Variants in MAML2 observed in about 807,000 individuals in gnomAD.
The protein encoded by MAML2 is mastermind like transcriptional coactivator 2, also known as mastermind-like protein 2.
In MAML2, 22 loss-of-function variants were observed where a neutral mutation model predicts 96.1. The observed-to-expected ratio is 0.23, with a 90% CI of 0.16 to 0.33. The LOEUF (loss-of-function observed/expected upper bound fraction) is 0.33. Among genes scored for constraint, MAML2 ranks in the 10% least tolerant of loss-of-function variants. The pLI is 1.00. For missense variants in MAML2, 1,367 were observed against 1,392.4 expected (o/e 0.98, Z 0.29); for synonymous variants, 561 against 521.3 (o/e 1.08, Z -1.04).
intron 1 of MAML2, among the ~76,000 whole-genome samples, chr11:96,150,095 A>G (rs576909255): frequency 6.6e-6 from 1 of 152,336 alleles, no homozygotes; most frequent in South Asian, 2.1e-4. Flanking sequence ...TAAATTCAAT[A>G]TCTAAATAAT....
chr11:96,067,617 C>G (rs540412528), intron 2 of MAML2, among the ~76,000 whole-genome samples: 2 of 152,058 alleles, frequency 1.3e-5, no homozygotes, highest in South Asian at 2.1e-4. Flanking sequence ...TCTTTTAAAC[C>G]TGTCATTGGT....
chr11:96,042,050 C>T (rs193012350), intron 2 of MAML2, among the ~76,000 whole-genome samples: 25,540 of 150,182 alleles, frequency 0.17, 2,642 homozygotes, highest in East Asian at 0.31. Context: ...GATCTTGGCT[C>T]ACTGCAAGCT....
chr11:96,275,800 G>A lies in MAML2; in HGVS notation c.513+65583C>T, dbSNP rs138201569. The stretch of plus-strand genomic sequence containing the variant: ...AATAAAAATAAAGACTCTTCAGCTG[G>A]TCTCTATGTCTGTTTTAACTTACCT... On this transcript the variant is annotated intron_variant, in intron 1 of 4. Coordinates refer to ENST00000524717, the MANE Select transcript of MAML2 (RefSeq NM_032427.4). Among the ~76,000 whole-genome samples, 496 of 152,142 alleles carry A rather than the reference G, an allele frequency of 3.3e-3. 2 individuals carry two copies. Among genetic ancestry groups the A allele is most frequent in the African/African-American group, 0.012 (478 of 41,508 alleles).
At chr11:96,336,116 T>A (rs1266083507) in intron 1 of MAML2, among the ~76,000 whole-genome samples, 1 of 152,134 alleles carries the variant, frequency 6.6e-6, no homozygotes, top group Non-Finnish European at 1.5e-5. Context: ...ATAACAAAAT[T>A]ATTTTCTCAT....
At chr11:96,048,891 A>T (rs887444187) in intron 2 of MAML2, among the ~76,000 whole-genome samples, 1 of 152,228 alleles carries the variant, frequency 6.6e-6, no homozygotes, top group East Asian at 1.9e-4. Context: ...TCTATGAATT[A>T]ATCAGAACAA....
intron 1 of MAML2, among the ~76,000 whole-genome samples, chr11:96,120,225 G>C (rs968543213): frequency 6.6e-6 from 1 of 152,112 alleles, no homozygotes; most frequent in South Asian, 2.1e-4. Context: ...CCAAAGTGCT[G>C]GGTTTACAGG....
At chr11:96,285,603 A>G (rs959748985) in intron 1 of MAML2, among the ~76,000 whole-genome samples, 11 of 152,184 alleles carry the variant, frequency 7.2e-5, no homozygotes, top group African/African-American at 2.7e-4. Context: ...TCCAGAGTCT[A>G]CAAGGAACTT....
chr11:96,239,346 CT>C (rs1371117559), intron 1 of MAML2, among the ~76,000 whole-genome samples: 6 of 152,154 alleles, frequency 3.9e-5, no homozygotes, highest in African/African-American at 1.4e-4. Context: ...CTGTTGACCC[CT>C]ATTGGAGGCT....
rs566278987 is a variant in MAML2 at position 96,219,652 on chromosome 11, G to T, written c.513+121731C>A. On this transcript the variant is annotated intron_variant, in intron 1 of 4. Transcript: ENST00000524717. Reference sequence around the variant, plus strand: ...ATTATTATTATTATTTTGAGACAGGGTCTCACTCTGTCATGTAGGCTGGAG... The same window carrying T: ...ATTATTATTATTATTTTGAGACAGGTTCTCACTCTGTCATGTAGGCTGGAG... 5.3e-5 allele frequency among the ~76,000 whole-genome samples: 8 copies of T among 152,134 alleles called. No individual in the cohort carries two copies. The South Asian group carries it at 1.5e-3, about 28-fold the overall frequency.
intron 1 of MAML2, among the ~76,000 whole-genome samples, chr11:96,110,321 T>A (rs1218377712): frequency 6.6e-6 from 1 of 152,220 alleles, no homozygotes; most frequent in African/African-American, 2.4e-5. Context: ...TTCACAGCAG[T>A]TGGTACAATA....
chr11:96,341,646 G>A lies in MAML2; in HGVS notation c.250C>T (p.Gln84Ter). The A allele has an allele frequency of 6.4e-7, 1 of 1,561,182 alleles. No individual in the cohort carries two copies. Among genetic ancestry groups the A allele is most frequent in the Non-Finnish European group, 8.7e-7 (1 of 1,151,948 alleles). Residue 84 changes from glutamine to a stop codon, truncating the protein, a stop_gained, in exon 1 of 5, where the codon CAG becomes TAG. Coordinates refer to ENST00000524717, the MANE Select transcript of MAML2 (RefSeq NM_032427.4). LOFTEE classifies it high-confidence loss of function. ...LQLLSLVQHG[Q>*]GARKAGKHTK... ...TGTTTGCCAGCTTTCCTTGCCCCCT[G>A]GCCATGCTGTACAAGGCTCAGGAGC...
intron 1 of MAML2, among the ~76,000 whole-genome samples, chr11:96,127,157 T>C (rs1860454424): frequency 6.6e-6 from 1 of 152,160 alleles, no homozygotes; most frequent in Non-Finnish European, 1.5e-5. Flanking sequence ...TTTCTCTTTA[T>C]CTGTTTCAAC....
At chr11:96,210,361 G>A (rs113288267) in intron 1 of MAML2, among the ~76,000 whole-genome samples, 6,240 of 152,120 alleles carry the variant, frequency 0.041, 410 homozygotes, top group African/African-American at 0.14. Flanking sequence ...TGCCCACCTC[G>A]GCCTCCCAAA....
intron 1 of MAML2, among the ~76,000 whole-genome samples, chr11:96,331,978 G>A (rs1019574866): frequency 6.6e-6 from 1 of 152,174 alleles, no homozygotes; most frequent in African/African-American, 2.4e-5. Context: ...ATAGAGATGA[G>A]AGAAGGCTAG....
intron 1 of MAML2, among the ~76,000 whole-genome samples, chr11:96,227,240 T>G (rs1186027012): frequency 6.6e-6 from 1 of 152,244 alleles, no homozygotes; most frequent in East Asian, 1.9e-4. Flanking sequence ...CTTTCCTTAA[T>G]ATCACTTATT....
intron 1 of MAML2, among the ~76,000 whole-genome samples, chr11:96,251,952 T>A (rs1366170760): frequency 6.6e-6 from 1 of 151,996 alleles, no homozygotes; most frequent in African/African-American, 2.4e-5. Context: ...CAGGATGGTC[T>A]TGATCTCCTG....
chr11:96,229,128 A>G (rs1231751115), intron 1 of MAML2, among the ~76,000 whole-genome samples: 2 of 152,142 alleles, frequency 1.3e-5, no homozygotes, highest in Non-Finnish European at 2.9e-5. Flanking sequence ...CTTCTTACCA[A>G]ATAACTTAAG....
intron 2 of MAML2, among the ~76,000 whole-genome samples, chr11:96,032,772 C>A (rs1858639043): frequency 6.6e-6 from 1 of 152,110 alleles, no homozygotes; most frequent in African/African-American, 2.4e-5. Context: ...GTGCGCTATG[C>A]TAAGTGAAAG....
intron 2 of MAML2, among the ~76,000 whole-genome samples, chr11:96,035,755 G>A (rs1858701621): frequency 6.6e-6 from 1 of 152,200 alleles, no homozygotes; most frequent in African/African-American, 2.4e-5. Flanking sequence ...ATATTCAAAA[G>A]AGACTGAGGA....
Sources: gnomAD v4.1 joint callset for allele counts (sites outside exome capture counted in the v4.1 genomes callset) on GRCh38, gnomAD v4.1.1 for gene constraint, MANE v1.5 for transcripts, NCBI Gene and HGNC (gene_info 2026-07-23, HGNC 2026-07-21) for gene names.